The following AGTPBP1 variants were observed in gnomAD, a reference collection of about 807,000 sequenced individuals.
AGTPBP1 encodes the protein cytosolic carboxypeptidase 1.
AGTPBP1 carries 70 observed loss-of-function variants against 143.9 expected under a neutral mutation model. That is an observed-to-expected ratio of 0.49 (90% confidence interval 0.40 to 0.59). AGTPBP1 has a LOEUF of 0.59. Among genes scored for constraint, AGTPBP1 ranks in the 20% least tolerant of loss-of-function variants. The pLI is 0.00. For missense variants in AGTPBP1, 1,229 were observed against 1,464.5 expected (o/e 0.84, Z 2.62); for synonymous variants, 463 against 500.2 (o/e 0.93, Z 0.99).
intron 25 of AGTPBP1, among the ~76,000 whole-genome samples, chr9:85,557,704 A>T (rs1357919045): frequency 6.6e-6 from 1 of 152,228 alleles, no homozygotes; most frequent in Non-Finnish European, 1.5e-5. Context: ...TACTGTTAAC[A>T]TTTAGCCAAG....
Position 85,633,033 on chromosome 9 carries a change from TGGG to T in AGTPBP1, c.1641_1643del (p.Pro548del). The T allele has an allele frequency of 6.2e-7, 1 of 1,614,166 alleles. No homozygotes were observed. Among genetic ancestry groups the T allele is most frequent in the Non-Finnish European group, 8.5e-7 (1 of 1,180,016 alleles). On this transcript the variant is annotated inframe_deletion, in exon 14 of 26. Coordinates refer to ENST00000357081, the MANE Select transcript of AGTPBP1 (RefSeq NM_001330701.2). ...CCTTCTTCATTTCTGCAGTAAAACCTGGGGCTGTTTGAGAAGGAATATTCTGCA... is the reference window on the plus strand; with the variant it reads ...CCTTCTTCATTTCTGCAGTAAAACCTGCTGTTTGAGAAGGAATATTCTGCA...
chr9:85,611,805 T>C (rs962678291), intron 17 of AGTPBP1, among the ~76,000 whole-genome samples: 4 of 152,112 alleles, frequency 2.6e-5, no homozygotes, highest in Non-Finnish European at 4.4e-5. Flanking sequence ...CTCAGCCTCC[T>C]GAGCAGCTGG....
At chr9:85,589,280 G>A (rs1828803291) in intron 20 of AGTPBP1, among the ~76,000 whole-genome samples, 1 of 151,316 alleles carries the variant, frequency 6.6e-6, no homozygotes, top group Non-Finnish European at 1.5e-5. Context: ...AATTTCTAAG[G>A]ATAAGAACTA....
chr9:85,770,904 C>G, the AGTPBP1 span, among the ~76,000 whole-genome samples: 117 of 152,100 alleles, frequency 7.7e-4, 1 homozygote, highest in Admixed American at 7.1e-3. Flanking sequence ...TGTACTTTCT[C>G]ATCATGTATG....
At chr9:85,687,431 T>C (rs1317584470) in intron 3 of AGTPBP1, among the ~76,000 whole-genome samples, 2 of 152,164 alleles carry the variant, frequency 1.3e-5, no homozygotes, top group Non-Finnish European at 2.9e-5. Context: ...TTTTCAAGTA[T>C]GCATGGAACA....
In AGTPBP1 at chr9:85,633,153, T is replaced by C. The variant is rs765458248; in HGVS notation, c.1524A>G (p.Thr508=). The stretch of plus-strand genomic sequence containing the variant: ...TTTGATCACCTGGCTGCTGTTGTAA[T>C]GTTCTATCATTATCTTTAATATCTT... The part of the protein sequence containing the change: ...AKEDIKDNDR[T]LQQQPGDQNR... Residue 508 remains threonine, a synonymous_variant, in exon 14 of 26, where the codon ACA becomes ACG. Transcript: ENST00000357081. The C allele has an allele frequency of 3.1e-6, 5 of 1,613,758 alleles. No homozygotes were observed. Among genetic ancestry groups the C allele is most frequent in the Admixed American group, 3.3e-5 (2 of 59,918 alleles).
intron 21 of AGTPBP1, among the ~76,000 whole-genome samples, chr9:85,587,438 G>T (rs779487037): frequency 6.6e-6 from 1 of 151,968 alleles, no homozygotes; most frequent in Admixed American, 6.6e-5. Flanking sequence ...ATACCTTTTT[G>T]TTTATTTACG....
chr9:85,546,910 T>C lies in AGTPBP1; in HGVS notation c.*199A>G, dbSNP rs1587597112. On this transcript the variant is annotated 3_prime_UTR_variant, in exon 26 of 26. Transcript: ENST00000357081. ...ATCATTCAATGCTACATAAAGTGCA[T>C]TGAATATCGAAAATAAAACAAGCGC... is the stretch of plus-strand genomic sequence containing the variant. 1.9e-5 allele frequency: 9 copies of C among 462,856 alleles called. No homozygotes were observed. The East Asian group carries it at 2.2e-4, about 11-fold the overall frequency. 28.7% of individuals were successfully genotyped at this position (462,856 alleles called of 1,614,324 possible). A position where few individuals can be genotyped will look rare whatever the true frequency, so the allele number is the denominator to read the frequency against.
intron 2 of AGTPBP1, among the ~76,000 whole-genome samples, chr9:85,711,948 A>G (rs1447481450): frequency 2.0e-5 from 3 of 152,214 alleles, no homozygotes; most frequent in Non-Finnish European, 2.9e-5. Context: ...ATCACAAAAT[A>G]CTATTTTTTT....
At chr9:85,657,036 G>A (rs138698485) in intron 10 of AGTPBP1, among the ~76,000 whole-genome samples, 1 of 151,952 alleles carries the variant, frequency 6.6e-6, no homozygotes, top group African/African-American at 2.4e-5. Context: ...GTTGTGGGGT[G>A]GGGGGAGAGG....
At chr9:85,568,291 G>C (rs1827236966) in intron 25 of AGTPBP1, among the ~76,000 whole-genome samples, 1 of 152,056 alleles carries the variant, frequency 6.6e-6, no homozygotes, top group Admixed American at 6.6e-5. Flanking sequence ...TGTATTCTTT[G>C]GGGTCCTCTC....
upstream of AGTPBP1, among the ~76,000 whole-genome samples, chr9:85,744,163 C>G (rs923497658): frequency 1.3e-5 from 2 of 152,058 alleles, no homozygotes; most frequent in Admixed American, 6.5e-5. Context: ...AACTCCTGGG[C>G]TCAGCAGTCC....
intron 3 of AGTPBP1, among the ~76,000 whole-genome samples, chr9:85,684,870 T>C (rs539145616): frequency 1.9e-4 from 29 of 151,604 alleles, no homozygotes; most frequent in Non-Finnish European, 4.1e-4. Context: ...GCAGCTATTA[T>C]AATAAATGAC....
intron 2 of AGTPBP1, among the ~76,000 whole-genome samples, chr9:85,693,638 G>T (rs1237985295): frequency 6.6e-6 from 1 of 152,068 alleles, no homozygotes; most frequent in East Asian, 1.9e-4. Flanking sequence ...ACTGATCTAG[G>T]TGTTGTCAAT....
At chr9:85,567,568 G>T (rs7860075) in intron 25 of AGTPBP1, among the ~76,000 whole-genome samples, 4 of 152,170 alleles carry the variant, frequency 2.6e-5, no homozygotes, top group South Asian at 2.1e-4. Flanking sequence ...CTCAAGTATG[G>T]GTGACACAAT....
the AGTPBP1 span, chr9:85,764,687 C>A: frequency 1.1e-6 from 1 of 943,036 alleles, no homozygotes; most frequent in Non-Finnish European, 1.7e-6. Flanking sequence ...TTCGGGGTGT[C>A]TGGTGGGTTG....
At chr9:85,658,678 A>T (rs529511852) in intron 9 of AGTPBP1, among the ~76,000 whole-genome samples, 1 of 152,168 alleles carries the variant, frequency 6.6e-6, no homozygotes, top group South Asian at 2.1e-4. Context: ...TAGCTGCCTG[A>T]ATTATTACAG....
the AGTPBP1 span, among the ~76,000 whole-genome samples, chr9:85,792,963 T>C: frequency 6.6e-6 from 1 of 152,196 alleles, no homozygotes; most frequent in African/African-American, 2.4e-5. Context: ...TTTAGTTATA[T>C]ATATCTTCTA....
intron 25 of AGTPBP1, among the ~76,000 whole-genome samples, chr9:85,562,731 AAACTT>A (rs1334764274): frequency 2.6e-5 from 4 of 152,254 alleles, no homozygotes; most frequent in African/African-American, 9.6e-5. Context: ...TATTTAAACA[AAACTT>A]AAATGTTATA....
Sources: allele counts gnomAD v4.1 joint callset (sites outside exome capture counted in the v4.1 genomes callset), GRCh38; gene constraint gnomAD v4.1.1; transcripts MANE v1.5; gene names NCBI Gene and HGNC (gene_info 2026-07-23, HGNC 2026-07-21).